Variants in ANTXR1 observed in about 807,000 individuals in gnomAD.
The protein encoded by ANTXR1 is ANTXR cell adhesion molecule 1.
A neutral mutation model predicts 78.1 loss-of-function variants in ANTXR1; 19 were observed. The ratio of observed to expected loss-of-function variants is 0.24; its 90% CI spans 0.17 to 0.36. ANTXR1 has a LOEUF of 0.36. ANTXR1 is among the 10% of genes least tolerant of loss of function. ANTXR1 has a pLI of 1.00. For synonymous variants in ANTXR1, 273 were observed against 260.5 expected (o/e 1.05, Z -0.46); for missense variants, 518 against 718.6 (o/e 0.72, Z 3.19).
chr2:69,200,945 G>C (rs978184207), intron 17 of ANTXR1, among the ~76,000 whole-genome samples: 1 of 152,134 alleles, frequency 6.6e-6, no homozygotes, highest in African/African-American at 2.4e-5. Context: ...GAGGTCTGGG[G>C]CTTGAATTTA....
At chr2:69,140,314 C>T (rs1315288678) in intron 12 of ANTXR1, among the ~76,000 whole-genome samples, 2 of 152,208 alleles carry the variant, frequency 1.3e-5, no homozygotes, top group East Asian at 3.8e-4. Context: ...TTATAGCAAA[C>T]TAGGATTTAT....
At chr2:69,085,891 G>C (rs1036446708) in intron 8 of ANTXR1, among the ~76,000 whole-genome samples, 1 of 152,180 alleles carries the variant, frequency 6.6e-6, no homozygotes, top group African/African-American at 2.4e-5. Flanking sequence ...TCAGGTTTTT[G>C]TCTTAGACAA....
rs1675993919 is a variant in ANTXR1, at chr2:69,245,311, T to C, written c.1521T>C (p.Pro507=). Residue 507 remains proline, a synonymous_variant, in exon 18 of 18, where the codon CCT becomes CCC. Coordinates refer to ENST00000303714, the MANE Select transcript of ANTXR1 (RefSeq NM_032208.3). ...LNNAYHTSSP[P]PAPIYTPPPP... is the part of the protein sequence containing the mutation. ...ACGCCTACCACACCTCCTCGCCGCC[T>C]CCTGCCCCCATCTACACTCCCCCAC... 1 of 1,608,412 alleles carries C rather than the reference T, an allele frequency of 6.2e-7. No individual in the cohort carries two copies. The highest frequency in any genetic ancestry group is 8.5e-7 in the Non-Finnish European group (1 of 1,178,148).
chr2:69,141,880 G>A (rs1043637815), intron 12 of ANTXR1, among the ~76,000 whole-genome samples: 1 of 152,074 alleles, frequency 6.6e-6, no homozygotes, highest in Non-Finnish European at 1.5e-5. Flanking sequence ...CTGCCTCCAG[G>A]CCCCACTGAT....
At chr2:69,126,748 C>T (rs1489542113) in intron 12 of ANTXR1, among the ~76,000 whole-genome samples, 2 of 152,098 alleles carry the variant, frequency 1.3e-5, no homozygotes, top group Admixed American at 1.3e-4. Flanking sequence ...GGTGTCCTTG[C>T]CAATGCATTG....
At chr2:69,111,075 C>T (rs1402991702) in intron 10 of ANTXR1, among the ~76,000 whole-genome samples, 1 of 152,084 alleles carries the variant, frequency 6.6e-6, no homozygotes, top group Non-Finnish European at 1.5e-5. Context: ...CAGAAAAGAA[C>T]CCACAAAATT....
intron 8 of ANTXR1, among the ~76,000 whole-genome samples, chr2:69,078,572 G>A (rs962240032): frequency 2.6e-5 from 4 of 152,192 alleles, no homozygotes; most frequent in Non-Finnish European, 5.9e-5. Context: ...AGAGTGGGAA[G>A]TAAGAAGCTC....
At chr2:69,109,485 T>C (rs1671912379) in intron 10 of ANTXR1, among the ~76,000 whole-genome samples, 1 of 152,186 alleles carries the variant, frequency 6.6e-6, no homozygotes, top group South Asian at 2.1e-4. Flanking sequence ...ATTGGAACAA[T>C]GTATGATCAC....
intron 3 of ANTXR1, among the ~76,000 whole-genome samples, chr2:69,069,231 G>C (rs1379712035): frequency 1.3e-5 from 2 of 152,064 alleles, no homozygotes; most frequent in African/African-American, 4.8e-5. Context: ...GCAATGCCAG[G>C]ATAAATATGA....
Position 69,057,058 on chromosome 2 carries a change from AT to A in ANTXR1, c.296+12253del, listed in dbSNP as rs144192548. ...TTATACTTAATGTCATGTTTTTGAGATTTTTTTTGTGTGTAGATACATATAG... is the reference window on the plus strand; with the variant it reads ...TTATACTTAATGTCATGTTTTTGAGATTTTTTTGTGTGTAGATACATATAG... On this transcript the variant is annotated intron_variant, in intron 3 of 17. Coordinates refer to ENST00000303714, the MANE Select transcript of ANTXR1 (RefSeq NM_032208.3). 5.3e-5 allele frequency among the ~76,000 whole-genome samples: 8 copies of A among 151,826 alleles called. No individual in the cohort carries two copies. In the Middle Eastern group the frequency reaches 0.02, roughly 387 times the overall value.
intron 6 of ANTXR1, 84 bp downstream of exon 6, chr2:69,073,185 T>C: frequency 8.6e-7 from 1 of 1,163,684 alleles, no homozygotes. Context: ...TCTCTATTCA[T>C]GTGATAGGTG....
intron 3 of ANTXR1, among the ~76,000 whole-genome samples, chr2:69,068,003 C>T (rs1670453603): frequency 6.6e-6 from 1 of 152,176 alleles, no homozygotes; most frequent in South Asian, 2.1e-4. Flanking sequence ...TGGGCCCAGA[C>T]TTGTCAATGA....
intron 17 of ANTXR1, among the ~76,000 whole-genome samples, chr2:69,218,570 A>T (rs4854556): frequency 0.37 from 56,242 of 152,082 alleles, 11,646 homozygotes; most frequent in East Asian, 0.69. Context: ...AGCTGCTGGG[A>T]AGATCTGCAG....
Position 69,058,092 on chromosome 2 carries a change from T to C in ANTXR1, c.297-12555T>C, listed in dbSNP as rs1033725061. Reference sequence around the variant, plus strand: ...TTAGCAGATGTGGGCTCATGAGGTTTAAGGAAAGACGCCATCTCCATGACA... The same window carrying C: ...TTAGCAGATGTGGGCTCATGAGGTTCAAGGAAAGACGCCATCTCCATGACA... On this transcript the variant is annotated intron_variant, in intron 3 of 17. Transcript: ENST00000303714. 3.9e-5 allele frequency among the ~76,000 whole-genome samples: 6 copies of C among 152,298 alleles called. No individual in the cohort carries two copies. The South Asian group carries it at 1.0e-3, about 26-fold the overall frequency.
intron 5 of ANTXR1, among the ~76,000 whole-genome samples, chr2:69,072,399 G>C (rs1670593947): frequency 6.6e-6 from 1 of 152,152 alleles, no homozygotes; most frequent in Admixed American, 6.5e-5. Flanking sequence ...CAGGCCTATA[G>C]AGGTGTCCAT....
intron 17 of ANTXR1, among the ~76,000 whole-genome samples, chr2:69,243,731 T>G (rs1248443827): frequency 6.6e-6 from 1 of 152,174 alleles, no homozygotes; most frequent in African/African-American, 2.4e-5. Context: ...AACTCTGTGC[T>G]CTCTGGACAT....
At chr2:69,118,321 T>G (rs1160185418) in intron 10 of ANTXR1, among the ~76,000 whole-genome samples, 1 of 140,308 alleles carries the variant, frequency 7.1e-6, no homozygotes, top group African/African-American at 2.7e-5. Context: ...GTGGGGTGGG[T>G]GAGGGGGACA....
At chr2:69,092,706 A>G (rs186429448) in intron 9 of ANTXR1, among the ~76,000 whole-genome samples, 1 of 152,316 alleles carries the variant, frequency 6.6e-6, no homozygotes, top group East Asian at 1.9e-4. Context: ...TGACAAAAAC[A>G]TATGACCACA....
At chr2:69,139,455 A>G (rs1205256817) in intron 12 of ANTXR1, among the ~76,000 whole-genome samples, 2 of 152,254 alleles carry the variant, frequency 1.3e-5, no homozygotes, top group African/African-American at 4.8e-5. Flanking sequence ...GTTGATGTCT[A>G]TCTTTCTATG....
Sources: gnomAD v4.1 joint callset for allele counts (sites outside exome capture counted in the v4.1 genomes callset) on GRCh38, gnomAD v4.1.1 for gene constraint, MANE v1.5 for transcripts, NCBI Gene and HGNC (gene_info 2026-07-23, HGNC 2026-07-21) for gene names.